The following CYP4V2 variants were observed in gnomAD, a reference collection of about 807,000 sequenced individuals.
CYP4V2 encodes cytochrome P450 4V2.
Under a neutral mutation model 60.8 loss-of-function variants are expected in CYP4V2, and 55 were observed. The observed-to-expected ratio is 0.90, with a 90% CI of 0.73 to 1.13. CYP4V2 has a LOEUF of 1.13. CYP4V2 is among the 50% of genes most tolerant of loss of function. The pLI is 0.00. For missense variants in CYP4V2, 675 were observed against 662.9 expected, an observed-to-expected ratio of 1.02 and a Z score of -0.20; for synonymous variants, 239 against 236.8, an observed-to-expected ratio of 1.01 and a Z score of -0.08.
intron 7 of CYP4V2, chr4:186,203,804 CTG>C (rs1236755546): frequency 6.6e-6 from 1 of 152,198 alleles, no homozygotes; most frequent in Admixed American, 6.5e-5. Flanking sequence ...GACCTGTAGG[CTG>C]TGTCTTTTAA....
rs1185141684 is a variant in CYP4V2, at chr4:186,191,716, C to A, written c.-108C>A. 5.5e-6 allele frequency: 6 copies of A among 1,100,038 alleles called. No individual in the cohort carries two copies. Among genetic ancestry groups the A allele is most frequent in the Non-Finnish European group, 5.8e-6 (5 of 858,872 alleles). The allele number at this position is 1,100,038 out of a possible 1,614,324, so 68.1% of individuals were successfully genotyped here. ...GGGCGACCCCGCAGCGGGGAGCGCG[C>A]CAGGTCCGCGCGGGGAAGTGGGCGG... On this transcript the variant is annotated 5_prime_UTR_variant, in exon 1 of 11. Coordinates refer to ENST00000378802, the MANE Select transcript of CYP4V2 (RefSeq NM_207352.4).
intron 1 of CYP4V2, among the ~76,000 whole-genome samples, chr4:186,192,536 T>G (rs976561501): frequency 6.6e-6 from 1 of 152,210 alleles, no homozygotes; most frequent in Non-Finnish European, 1.5e-5. Context: ...ACCTTCATAC[T>G]TTAGCCCTTT....
At chr4:186,196,644 G>A (rs944650597) in intron 3 of CYP4V2, 24 of 357,066 alleles carry the variant, frequency 6.7e-5, no homozygotes, top group African/African-American at 1.9e-4. Context: ...TTAGAAACTC[G>A]GAACTTAGAA....
At position 186,197,234 on chromosome 4, in the gene CYP4V2, T is replaced by C. The variant is rs1039230003; in HGVS notation, c.604+104T>C. ...AGGCAAATGGGGGGACGGGAAAGGG[T>C]GACGGGCTCTTCAGCGCGGTTCTAC... On this transcript the variant is annotated intron_variant, in intron 4 of 10. Coordinates refer to ENST00000378802, the MANE Select transcript of CYP4V2 (RefSeq NM_207352.4). The C allele has an allele frequency of 2.9e-6, 4 of 1,384,884 alleles. No homozygotes were observed. In the African/African-American group the frequency reaches 5.7e-5, roughly 20 times the overall value. 85.8% of individuals were successfully genotyped at this position (1,384,884 alleles called of 1,614,324 possible). A position where few individuals can be genotyped will look rare whatever the true frequency, so the allele number is the denominator to read the frequency against.
intron 1 of CYP4V2, among the ~76,000 whole-genome samples, chr4:186,193,595 C>G (rs1736057055): frequency 6.6e-6 from 1 of 152,112 alleles, no homozygotes; most frequent in African/African-American, 2.4e-5. Flanking sequence ...TACAGAGTCA[C>G]TTTAAGGATT....
At chr4:186,194,217 C>T (rs1008399155) in intron 1 of CYP4V2, among the ~76,000 whole-genome samples, 1 of 152,226 alleles carries the variant, frequency 6.6e-6, no homozygotes, top group Non-Finnish European at 1.5e-5. Context: ...AGAAAGAATG[C>T]CCGTTCTGGG....
In CYP4V2 at chr4:186,197,620, A is replaced by G. The variant is rs1199112294; in HGVS notation, c.674+18A>G. 2 of 1,611,316 alleles carry G rather than the reference A, an allele frequency of 1.2e-6. No homozygotes were observed. The highest frequency in any genetic ancestry group is 1.7e-6 in the Non-Finnish European group (2 of 1,177,552). ...GTTTATAGGTAAATGGAGTCCTTTC[A>G]GTTATTTTAACAATTATTATTGATT... On this transcript the variant is annotated intron_variant, in intron 5 of 10. Coordinates refer to ENST00000378802, the MANE Select transcript of CYP4V2 (RefSeq NM_207352.4).
intron 8 of CYP4V2, among the ~76,000 whole-genome samples, chr4:186,205,953 A>G (rs1242605007): frequency 6.6e-6 from 1 of 152,162 alleles, no homozygotes; most frequent in East Asian, 1.9e-4. Context: ...AAATCCACAG[A>G]CAGGGAGGTT....
intron 3 of CYP4V2, chr4:186,196,636 A>T: frequency 2.9e-6 from 1 of 347,918 alleles, no homozygotes; most frequent in Non-Finnish European, 5.2e-6. Flanking sequence ...ATTTATTATT[A>T]GAAACTCGGA....
chr4:186,199,871 T>C (rs778021519), intron 6 of CYP4V2, among the ~76,000 whole-genome samples: 41 of 152,220 alleles, frequency 2.7e-4, no homozygotes, highest in Non-Finnish European at 5.6e-4. Flanking sequence ...TGTTTAAATA[T>C]GTCCTTTCTT....
At position 186,196,101 on chromosome 4, in the gene CYP4V2, A is replaced by C; in HGVS notation, c.413+13A>C. 6.2e-7 allele frequency: 1 copy of C among 1,603,088 alleles called. No homozygotes were observed. Among genetic ancestry groups the C allele is most frequent in the Non-Finnish European group, 8.5e-7 (1 of 1,169,980 alleles). On this transcript the variant is annotated intron_variant, in intron 3 of 10. Transcript: ENST00000378802. ...GACTTCTTACAAGGTATGCCAGTGTACCTTTGTAAAGCTGTCTATAGAAAT... is the reference window on the plus strand; with the variant it reads ...GACTTCTTACAAGGTATGCCAGTGTCCCTTTGTAAAGCTGTCTATAGAAAT...
rs113425823 is a variant in CYP4V2, at chr4:186,210,370, G to A, written c.1406-99G>A. 3.9e-4 allele frequency: 587 copies of A among 1,522,250 alleles called. 1 individual carries two copies. In the African/African-American group the frequency reaches 6.4e-3, roughly 17 times the overall value. The allele number at this position is 1,522,250 out of a possible 1,614,324, so 94.3% of individuals were successfully genotyped here. A position where few individuals can be genotyped will look rare whatever the true frequency, so the allele number is the denominator to read the frequency against. ...TTCTGGTTCTCCTTCCACCTACTGC[G>A]AAAATGTAAAGTGGCTCGCTTCCTA... is the stretch of plus-strand genomic sequence containing the variant. On this transcript the variant is annotated intron_variant, in intron 10 of 10. Transcript: ENST00000378802.
rs201541341 is a variant in CYP4V2 at position 186,205,344 on chromosome 4, C to G, written c.1090+42C>G. 3.5e-4 allele frequency: 547 copies of G among 1,558,390 alleles called. No homozygotes were observed. The African/African-American group carries it at 6.2e-3, about 18-fold the overall frequency. On this transcript the variant is annotated intron_variant, in intron 8 of 10. Coordinates refer to ENST00000378802, the MANE Select transcript of CYP4V2 (RefSeq NM_207352.4). ...CACTGGTTATATTGTGGTACTAAGT[C>G]TGCTGCAGAGATGTCACTGTGTTGT...
intron 10 of CYP4V2, among the ~76,000 whole-genome samples, 157 bp downstream of exon 10, chr4:186,209,429 T>C (rs1411310492): frequency 6.6e-6 from 1 of 152,210 alleles, no homozygotes; most frequent in Non-Finnish European, 1.5e-5. Context: ...CTTTGTAGTT[T>C]TAAAATATTA....
chr4:186,196,488 C>A, intron 3 of CYP4V2: 1 of 310,116 alleles, frequency 3.2e-6, no homozygotes, highest in South Asian at 3.5e-5. Context: ...AGGGCTCCAT[C>A]CTCTGAGAGA....
chr4:186,206,295 C>T (rs1031491614), intron 8 of CYP4V2, among the ~76,000 whole-genome samples: 3 of 152,138 alleles, frequency 2.0e-5, no homozygotes, highest in African/African-American at 7.2e-5. Flanking sequence ...TCAGGGCTCA[C>T]CTGGATAATC....
intron 8 of CYP4V2, 127 bp downstream of exon 8, chr4:186,205,429 T>C (rs1443480225): frequency 2.1e-6 from 2 of 930,818 alleles, no homozygotes; most frequent in Non-Finnish European, 3.5e-6. Flanking sequence ...ACCATCCCCT[T>C]TGCAAGGCCT....
chr4:186,191,872 G>A lies in CYP4V2; in HGVS notation c.49G>A (p.Gly17Ser). ...GLVWQKLLLW[G>S]AASALSLAGA... ...CGTGTGGCAGAAGCTGCTGCTGTGG[G>A]GCGCGGCGAGTGCCCTTTCCCTGGC... is the stretch of plus-strand genomic sequence containing the variant. The change falls in exon 1 of 11, where the codon GGC (glycine) becomes AGC (serine). Residue 17 changes from glycine to serine, a missense_variant. Transcript: ENST00000378802. 1 of 1,587,552 alleles carries A rather than the reference G, an allele frequency of 6.3e-7. No individual in the cohort carries two copies. Among genetic ancestry groups the A allele is most frequent in the South Asian group, 1.1e-5 (1 of 88,306 alleles).
Position 186,198,977 on chromosome 4 carries a change from G to A in CYP4V2, c.695G>A (p.Arg232Gln), listed in dbSNP as rs749306127. 1.4e-5 allele frequency: 23 copies of A among 1,613,892 alleles called. No individual in the cohort carries two copies. Among genetic ancestry groups the A allele is most frequent in the Middle Eastern group, 3.3e-4 (2 of 6,084 alleles). ...AVYRMSEMIFRRIKMPWLWLD... is the reference protein window; with the variant it reads ...AVYRMSEMIFQRIKMPWLWLD... ...TATAGAATGAGTGAGATGATATTTC[G>A]AAGAATAAAGATGCCCTGGCTTTGG... is the stretch of plus-strand genomic sequence containing the variant. The change falls in exon 6 of 11, where the codon CGA becomes CAA. Residue 232 changes from arginine to glutamine, a missense_variant. By Grantham distance (43) the Arg-to-Gln change is conservative. Transcript: ENST00000378802.
Sources: allele counts gnomAD v4.1 joint callset (sites outside exome capture counted in the v4.1 genomes callset), GRCh38; gene constraint gnomAD v4.1.1; transcripts MANE v1.5; gene names NCBI Gene and HGNC (gene_info 2026-07-23, HGNC 2026-07-21).